ZPLD1: variants seen among roughly 807,000 people sequenced by gnomAD.
The protein encoded by ZPLD1 is zona pellucida-like domain-containing protein 1.
Under a neutral mutation model 47.2 loss-of-function variants are expected in ZPLD1, and 34 were observed. The observed-to-expected ratio is 0.72, with a 90% confidence interval of 0.55 to 0.96. The LOEUF is 0.96. ZPLD1 is among the 40% of genes least tolerant of loss of function. The pLI is 0.00. For synonymous variants in ZPLD1, 176 were observed against 186.2 expected (o/e 0.95, Z 0.45); for missense variants, 512 against 505.8 (o/e 1.01, Z -0.12).
chr3:102,445,293 G>C (rs1214159625), intron 3 of ZPLD1, among the ~76,000 whole-genome samples: 1 of 152,300 alleles, frequency 6.6e-6, no homozygotes, highest in Non-Finnish European at 1.5e-5. Flanking sequence ...CTTTCATTGA[G>C]ATTCAAAACC....
intron 6 of ZPLD1, among the ~76,000 whole-genome samples, 197 bp from the exon 7 acceptor site, chr3:102,462,084 A>G (rs1707514515): frequency 2.0e-5 from 3 of 152,056 alleles, no homozygotes; most frequent in Non-Finnish European, 4.4e-5. Context: ...TCACACATGG[A>G]ATCAATTTGT....
At chr3:102,456,545 A>ATC (rs1707417474) in intron 5 of ZPLD1, among the ~76,000 whole-genome samples, 171 bp downstream of exon 5, 65 of 147,144 alleles carry the variant, frequency 4.4e-4, no homozygotes, top group African/African-American at 1.6e-3. Flanking sequence ...TTTATCTATT[A>ATC]TATCTATCTA....
intron 10 of ZPLD1, among the ~76,000 whole-genome samples, chr3:102,472,367 A>C (rs1424799918): frequency 6.6e-6 from 1 of 152,124 alleles, no homozygotes; most frequent in Non-Finnish European, 1.5e-5. Context: ...ACCCGTCTCT[A>C]CTAAAAATAC....
At chr3:102,401,270 T>A (rs993006938) in intron 7 of ZPLD1, among the ~76,000 whole-genome samples, 1 of 152,098 alleles carries the variant, frequency 6.6e-6, no homozygotes, top group African/African-American at 2.4e-5. Context: ...TGTGTTTATG[T>A]GCATTGTGTG....
chr3:102,430,112 A>G (rs1158879355), upstream of ZPLD1, among the ~76,000 whole-genome samples: 1 of 152,214 alleles, frequency 6.6e-6, no homozygotes, highest in African/African-American at 2.4e-5. Flanking sequence ...TGCTGCCTAC[A>G]GGGAGACAAC....
chr3:102,433,736 A>G (rs1390191596), upstream of ZPLD1, among the ~76,000 whole-genome samples: 1 of 152,054 alleles, frequency 6.6e-6, no homozygotes, highest in African/African-American at 2.4e-5. Flanking sequence ...TCACCGTGTT[A>G]GCCAGGATGG....
chr3:102,390,924 C>T (rs1706487845), intron 6 of ZPLD1, among the ~76,000 whole-genome samples: 2 of 151,912 alleles, frequency 1.3e-5, no homozygotes, highest in Non-Finnish European at 2.9e-5. Flanking sequence ...CAGTGATATT[C>T]TAGGCTCCCA....
intron 10 of ZPLD1, among the ~76,000 whole-genome samples, chr3:102,472,302 G>A (rs541066903): frequency 1.3e-5 from 2 of 152,048 alleles, no homozygotes; most frequent in African/African-American, 4.8e-5. Flanking sequence ...GAGGCTGAGG[G>A]GGGTGGATAA....
chr3:102,470,305 C>A, intron 9 of ZPLD1, 89 bp from the exon 10 acceptor site: 2 of 916,698 alleles, frequency 2.2e-6, no homozygotes, highest in East Asian at 4.9e-5. Context: ...CATGTGGTAT[C>A]TCTTCCAAAA....
intron 6 of ZPLD1, among the ~76,000 whole-genome samples, chr3:102,458,356 A>G (rs1707451755): frequency 6.6e-6 from 1 of 152,218 alleles, no homozygotes; most frequent in Non-Finnish European, 1.5e-5. Context: ...AGCATTATCT[A>G]AATTTTTGTC....
chr3:102,401,519 G>T (rs1290234607), intron 7 of ZPLD1, among the ~76,000 whole-genome samples: 2 of 152,058 alleles, frequency 1.3e-5, no homozygotes, highest in East Asian at 3.9e-4. Flanking sequence ...GTCTTCACAC[G>T]ATACCTTAGA....
chr3:102,438,827 A>G (rs147585761), intron 3 of ZPLD1, among the ~76,000 whole-genome samples: 2 of 152,320 alleles, frequency 1.3e-5, no homozygotes, highest in African/African-American at 4.8e-5. Context: ...GATATGAAAA[A>G]TATTGCCTAC....
At chr3:102,405,199 A>T (rs1350394922) in intron 7 of ZPLD1, among the ~76,000 whole-genome samples, 1 of 151,980 alleles carries the variant, frequency 6.6e-6, no homozygotes, top group Non-Finnish European at 1.5e-5. Context: ...ATTTCTCCAA[A>T]TAAGTAGATT....
chr3:102,434,103 G>T (rs1338957878), upstream of ZPLD1, among the ~76,000 whole-genome samples: 3 of 152,004 alleles, frequency 2.0e-5, no homozygotes, highest in African/African-American at 7.2e-5. Flanking sequence ...GTGACCCTGT[G>T]CGAGTCAATT....
chr3:102,433,915 ATCTG>A (rs1707049642), upstream of ZPLD1, among the ~76,000 whole-genome samples: 4 of 152,180 alleles, frequency 2.6e-5, no homozygotes, highest in African/African-American at 9.7e-5. Context: ...TGTCTCAATC[ATCTG>A]AATTATTTAA....
chr3:102,471,462 T>C (rs74964722), intron 10 of ZPLD1, among the ~76,000 whole-genome samples: 1,961 of 152,344 alleles, frequency 0.013, 46 homozygotes, highest in African/African-American at 0.045. Flanking sequence ...TCATTTGTGC[T>C]CATGAATTCA....
intron 7 of ZPLD1, among the ~76,000 whole-genome samples, chr3:102,407,594 T>A (rs1159274844): frequency 6.6e-6 from 1 of 150,960 alleles, no homozygotes; most frequent in Non-Finnish European, 1.5e-5. Flanking sequence ...AATTTATATA[T>A]TTGACTAGTA....
chr3:102,457,829 C>A lies in ZPLD1; in HGVS notation c.558C>A (p.Ser186Arg), dbSNP rs753798296. The change falls in exon 6 of 12, where the codon AGC becomes AGA. Residue 186 changes from serine to arginine, a missense_variant. Transcript: ENST00000466937. Reference protein sequence around the residue: ...SVRENNGTFVSTLNLLLYNDS... With the variant: ...SVRENNGTFVRTLNLLLYNDS... ...GAGAGAACAATGGCACATTTGTCAG[C>A]ACTTTGAACCTGCTCCTTTATAACG... 3 of 1,613,924 alleles carry A rather than the reference C, an allele frequency of 1.9e-6. No individual in the cohort carries two copies. Among genetic ancestry groups the A allele is most frequent in the Middle Eastern group, 1.7e-4 (1 of 6,058 alleles).
intron 7 of ZPLD1, among the ~76,000 whole-genome samples, chr3:102,412,677 G>A (rs1006622601): frequency 6.6e-6 from 1 of 151,680 alleles, no homozygotes; most frequent in Non-Finnish European, 1.5e-5. Flanking sequence ...TTCAACATAA[G>A]GATGAATTTG....
Sources: allele counts gnomAD v4.1 joint callset (sites outside exome capture counted in the v4.1 genomes callset), GRCh38; gene constraint gnomAD v4.1.1; transcripts MANE v1.5; gene names NCBI Gene and HGNC (gene_info 2026-07-23, HGNC 2026-07-21).